Variants in FBXL17 observed in about 807,000 individuals in gnomAD.
The protein encoded by FBXL17 is F-box/LRR-repeat protein 17.
In FBXL17, 22 loss-of-function variants were observed where a neutral mutation model predicts 66.2. That is an observed-to-expected ratio of 0.33 (90% CI 0.24 to 0.47). FBXL17 has a LOEUF of 0.47. FBXL17 is among the 20% of genes least tolerant of loss of function. FBXL17 has a pLI of 1.00. For missense variants in FBXL17, 878 were observed against 948.2 expected, an observed-to-expected ratio of 0.93 and a Z score of 0.97; for synonymous variants, 474 against 400.5, an observed-to-expected ratio of 1.18 and a Z score of -2.19.
At chr5:108,287,478 A>G (rs1014632824) in intron 4 of FBXL17, among the ~76,000 whole-genome samples, 3 of 152,158 alleles carry the variant, frequency 2.0e-5, no homozygotes, top group African/African-American at 7.2e-5. Context: ...ACACTTCTCA[A>G]AAGAAGAAAT....
At chr5:108,100,923 A>T (rs1376101714) in intron 6 of FBXL17, among the ~76,000 whole-genome samples, 1 of 152,212 alleles carries the variant, frequency 6.6e-6, no homozygotes, top group East Asian at 1.9e-4. Context: ...ATACAGATGG[A>T]GCTGTAAACA....
intron 6 of FBXL17, among the ~76,000 whole-genome samples, chr5:108,154,547 G>A (rs561588053): frequency 7.2e-5 from 10 of 138,868 alleles, no homozygotes; most frequent in East Asian, 2.1e-4. Context: ...CCAAGATCGC[G>A]CCATTGCACT....
chr5:108,239,414 T>C (rs1421473133), intron 4 of FBXL17, among the ~76,000 whole-genome samples: 1 of 152,182 alleles, frequency 6.6e-6, no homozygotes, highest in Non-Finnish European at 1.5e-5. Context: ...GACAGTGCCA[T>C]GACTCTGTGA....
At chr5:108,337,449 T>C (rs1760441030) in intron 4 of FBXL17, among the ~76,000 whole-genome samples, 1 of 152,142 alleles carries the variant, frequency 6.6e-6, no homozygotes, top group Non-Finnish European at 1.5e-5. Flanking sequence ...TTAACGTGTA[T>C]GCAAACGATC....
intron 6 of FBXL17, among the ~76,000 whole-genome samples, chr5:108,036,297 C>A (rs1289991624): frequency 6.6e-6 from 1 of 152,148 alleles, no homozygotes; most frequent in Non-Finnish European, 1.5e-5. Flanking sequence ...AAACAATAAA[C>A]CTTTCATACA....
intron 5 of FBXL17, among the ~76,000 whole-genome samples, chr5:108,213,231 A>C (rs1319782433): frequency 6.6e-6 from 1 of 152,120 alleles, no homozygotes; most frequent in African/African-American, 2.4e-5. Flanking sequence ...GCTGGGCTCC[A>C]TGGGAGTGGG....
At chr5:107,987,727 T>C (rs1201766095) in intron 7 of FBXL17, among the ~76,000 whole-genome samples, 2 of 152,100 alleles carry the variant, frequency 1.3e-5, no homozygotes, top group Non-Finnish European at 2.9e-5. Context: ...TAGCACATGT[T>C]GAATAGATGC....
intron 4 of FBXL17, among the ~76,000 whole-genome samples, chr5:108,331,419 T>C (rs2941695): frequency 1 from 151,958 of 152,376 alleles, 75,773 homozygotes; most frequent in Middle Eastern, 1. Flanking sequence ...TACTAAGCTA[T>C]TGACCAATTA....
Position 108,301,412 on chromosome 5 carries a change from T to C in FBXL17, c.1506+46987A>G, listed in dbSNP as rs531919433. 3.3e-5 allele frequency among the ~76,000 whole-genome samples: 5 copies of C among 151,372 alleles called. No homozygotes were observed. The East Asian group carries it at 9.6e-4, about 29-fold the overall frequency. The stretch of plus-strand genomic sequence containing the variant: ...TAGGTCAGTAATTTTACTAAATTTA[T>C]TTTTACATATATTTACAACAGCTTA... On this transcript the variant is annotated intron_variant, in intron 4 of 8. Coordinates refer to ENST00000542267, the MANE Select transcript of FBXL17 (RefSeq NM_001163315.3).
intron 1 of FBXL17, among the ~76,000 whole-genome samples, chr5:108,378,754 T>C (rs1749628284): frequency 6.6e-6 from 1 of 152,212 alleles, no homozygotes; most frequent in African/African-American, 2.4e-5. Flanking sequence ...CGTAAGTATT[T>C]ACTGAGCGCT....
At chr5:108,337,432 G>C (rs1424867660) in intron 4 of FBXL17, among the ~76,000 whole-genome samples, 2 of 151,982 alleles carry the variant, frequency 1.3e-5, no homozygotes, top group Non-Finnish European at 2.9e-5. Context: ...AGAATATACA[G>C]GTTTCTTTAA....
chr5:108,346,770 C>A (rs1747309577), intron 4 of FBXL17, among the ~76,000 whole-genome samples: 1 of 152,032 alleles, frequency 6.6e-6, no homozygotes, highest in African/African-American at 2.4e-5. Flanking sequence ...AGACAGATAT[C>A]AATAACTTCA....
intron 6 of FBXL17, among the ~76,000 whole-genome samples, chr5:108,080,751 A>T (rs1303177105): frequency 6.6e-6 from 1 of 152,190 alleles, no homozygotes; most frequent in Non-Finnish European, 1.5e-5. Flanking sequence ...AATTGGTTGA[A>T]GGAGTTAAAT....
chr5:108,057,283 G>T (rs1747745685), intron 6 of FBXL17, among the ~76,000 whole-genome samples: 1 of 151,996 alleles, frequency 6.6e-6, no homozygotes, highest in African/African-American at 2.4e-5. Context: ...AATAGCCAGA[G>T]CAAAACTGTA....
intron 4 of FBXL17, among the ~76,000 whole-genome samples, chr5:108,312,685 G>C (rs935909032): frequency 2.6e-5 from 4 of 151,850 alleles, no homozygotes; most frequent in African/African-American, 9.7e-5. Flanking sequence ...ACACAACTAT[G>C]TAAATTTTTC....
At chr5:108,365,145 G>A (rs1449630348) in intron 2 of FBXL17, 150 bp from the exon 3 acceptor site, 2 of 598,988 alleles carry the variant, frequency 3.3e-6, no homozygotes, top group Non-Finnish European at 5.7e-6. Context: ...TAACATTGAA[G>A]CATAACAAGA....
chr5:108,154,840 T>C (rs1216870830), intron 6 of FBXL17, among the ~76,000 whole-genome samples: 1 of 150,964 alleles, frequency 6.6e-6, no homozygotes, highest in Non-Finnish European at 1.5e-5. Context: ...CCAAAGAAAT[T>C]AGGAAGGACC....
chr5:108,073,251 C>T (rs1748411756), intron 6 of FBXL17, among the ~76,000 whole-genome samples: 1 of 152,088 alleles, frequency 6.6e-6, no homozygotes, highest in Non-Finnish European at 1.5e-5. Context: ...ATCTGAACCA[C>T]ATTGGTTTTG....
At chr5:108,164,585 TACTC>T (rs1382444809) in intron 6 of FBXL17, among the ~76,000 whole-genome samples, 1 of 152,114 alleles carries the variant, frequency 6.6e-6, no homozygotes, top group Non-Finnish European at 1.5e-5. Flanking sequence ...AGAAATCAAA[TACTC>T]ACTGACTGAT....
Sources: allele counts gnomAD v4.1 joint callset (sites outside exome capture counted in the v4.1 genomes callset), GRCh38; gene constraint gnomAD v4.1.1; transcripts MANE v1.5; gene names NCBI Gene and HGNC (gene_info 2026-07-23, HGNC 2026-07-21).